Variants in GRIK4 observed in about 807,000 individuals in gnomAD.
The protein encoded by GRIK4 is glutamate receptor ionotropic, kainate 4.
A neutral mutation model predicts 104.9 loss-of-function variants in GRIK4; 40 were observed. That is an observed-to-expected ratio of 0.38 (90% CI 0.30 to 0.50). The LOEUF (loss-of-function observed/expected upper bound fraction) is 0.50, where lower values mean the gene tolerates loss of function less well. Among genes scored for constraint, GRIK4 ranks in the 20% least tolerant of loss-of-function variants. The probability of loss-of-function intolerance (pLI) is 0.93; values close to 1 mark genes in which losing one functional copy is unlikely to be tolerated. For missense variants in GRIK4, 1,047 were observed against 1,308.1 expected, an observed-to-expected ratio of 0.80 and a Z score of 3.08; for synonymous variants, 485 against 524.9, an observed-to-expected ratio of 0.92 and a Z score of 1.04.
chr11:120,535,009 G>T (rs1947958475), intron 1 of GRIK4, among the ~76,000 whole-genome samples: 2 of 152,234 alleles, frequency 1.3e-5, no homozygotes, highest in South Asian at 4.1e-4. Context: ...TTTACTCCCT[G>T]CAGTAAGCTG....
chr11:120,831,575 C>G (rs1444419110), intron 6 of GRIK4, among the ~76,000 whole-genome samples: 2 of 152,060 alleles, frequency 1.3e-5, no homozygotes, highest in African/African-American at 4.8e-5. Flanking sequence ...TTATTCCACC[C>G]AAGGGAGCTT....
At chr11:120,751,573 T>A (rs35397814) in intron 3 of GRIK4, among the ~76,000 whole-genome samples, 4,065 of 152,076 alleles carry the variant, frequency 0.027, 155 homozygotes, top group African/African-American at 0.083. Flanking sequence ...TCTGGGTGGG[T>A]TTGGGGGAAG....
chr11:120,971,350 A>G (rs971339320), intron 19 of GRIK4, among the ~76,000 whole-genome samples: 3 of 152,238 alleles, frequency 2.0e-5, no homozygotes. Context: ...TGATGAAACA[A>G]TGAACAACAA....
intron 3 of GRIK4, among the ~76,000 whole-genome samples, chr11:120,780,427 T>G (rs1952131167): frequency 1.3e-5 from 2 of 152,246 alleles, no homozygotes; most frequent in Non-Finnish European, 2.9e-5. Flanking sequence ...TAGCATAATG[T>G]TTACAAAGTT....
rs758051263 is a variant in GRIK4 at position 120,962,552 on chromosome 11, G to A, written c.2137G>A (p.Val713Met). The change falls in exon 18 of 21, where the codon GTG (valine) becomes ATG (methionine). Residue 713 changes from valine (V) to methionine (M), a missense_variant. Physicochemically the swap from Val to Met is conservative, Grantham distance 21. Around this residue, in one of 3 missense-constraint regions of GRIK4, gnomAD observed 440 missense variants for 652.3 expected, o/e 0.67. Transcript: ENST00000527524. Reference protein sequence around the residue: ...VKSTEEGIARVLNSNYAFLLE... With the variant: ...VKSTEEGIARMLNSNYAFLLE... ...GAGCACAGAGGAGGGAATCGCCAGG[G>A]TGTTGAATTCCAACTACGCCTTCCT... The A allele has an allele frequency of 4.3e-6, 7 of 1,613,992 alleles. No individual in the cohort carries two copies. In the East Asian group the frequency reaches 6.7e-5, roughly 15 times the overall value.
chr11:120,737,787 A>G (rs1245344997), intron 3 of GRIK4, among the ~76,000 whole-genome samples: 1 of 152,044 alleles, frequency 6.6e-6, no homozygotes, highest in Non-Finnish European at 1.5e-5. Flanking sequence ...TGGGATGAGG[A>G]CATGGGGGGC....
At chr11:120,771,846 G>A (rs964049501) in intron 3 of GRIK4, among the ~76,000 whole-genome samples, 2 of 152,262 alleles carry the variant, frequency 1.3e-5, no homozygotes, top group African/African-American at 4.8e-5. Context: ...GAGAGCCATA[G>A]AGCTCAGGCA....
intron 3 of GRIK4, among the ~76,000 whole-genome samples, chr11:120,770,404 G>A (rs893886634): frequency 4.6e-5 from 7 of 152,188 alleles, no homozygotes; most frequent in Non-Finnish European, 1.0e-4. Context: ...CTAAAAACAC[G>A]TTACCTCTTT....
At chr11:120,906,363 G>A (rs990861935) in intron 13 of GRIK4, among the ~76,000 whole-genome samples, 6 of 152,220 alleles carry the variant, frequency 3.9e-5, no homozygotes, top group African/African-American at 7.2e-5. Flanking sequence ...AATGGTAGAA[G>A]GAGCTCCTGC....
At chr11:120,851,362 C>G (rs1233394030) in intron 8 of GRIK4, among the ~76,000 whole-genome samples, 1 of 152,194 alleles carries the variant, frequency 6.6e-6, no homozygotes, top group Admixed American at 6.5e-5. Flanking sequence ...CTCTTCCCAC[C>G]TCTTTATCTG....
chr11:120,967,372 G>A lies in GRIK4; in HGVS notation c.2395+49G>A. The A allele has an allele frequency of 1.3e-6, 2 of 1,559,950 alleles. No individual in the cohort carries two copies. The highest frequency in any genetic ancestry group is 1.2e-5 in the South Asian group (1 of 82,698). Reference sequence around the variant, plus strand: ...CCTCCTGCCCTAGAGGACCAAAGTAGCTTGTTTCTCGTGTTCAAATTCCAG... The same window carrying A: ...CCTCCTGCCCTAGAGGACCAAAGTAACTTGTTTCTCGTGTTCAAATTCCAG... On this transcript the variant is annotated intron_variant, in intron 19 of 20. Transcript: ENST00000527524. This position sits in a 1 kb window ranked among gnomAD's most constrained non-coding sequence, Gnocchi z 4.2.
At chr11:120,739,959 G>A (rs1951298003) in intron 3 of GRIK4, among the ~76,000 whole-genome samples, 1 of 151,858 alleles carries the variant, frequency 6.6e-6, no homozygotes, top group Non-Finnish European at 1.5e-5. Flanking sequence ...ACTCCAGCCA[G>A]CTGACCTCAC....
intron 3 of GRIK4, among the ~76,000 whole-genome samples, chr11:120,700,482 A>G (rs1353657586): frequency 6.8e-6 from 1 of 146,038 alleles, no homozygotes; most frequent in Non-Finnish European, 1.5e-5. Flanking sequence ...TTTTTGAGAG[A>G]GAGTCTTGCT....
Position 120,875,277 on chromosome 11 carries a change from C to T in GRIK4, c.1164+34C>T, listed in dbSNP as rs573439819. 116 of 1,292,030 alleles carry T rather than the reference C, an allele frequency of 9.0e-5. No homozygotes were observed. In the South Asian group the frequency reaches 1.3e-3, roughly 14 times the overall value. 80.0% of individuals were successfully genotyped at this position (1,292,030 alleles called of 1,614,324 possible). The stretch of plus-strand genomic sequence containing the variant: ...AGCTGCACCGTGGTGATGGCAGGTC[C>T]TCCTCTCTGTTCCATTTCATTGATG... On this transcript the variant is annotated intron_variant, in intron 11 of 20. Transcript: ENST00000527524.
At chr11:120,682,703 A>C (rs113589746) in intron 3 of GRIK4, among the ~76,000 whole-genome samples, 22 of 151,434 alleles carry the variant, frequency 1.5e-4, no homozygotes, top group African/African-American at 5.1e-4. Flanking sequence ...CATCTTATAC[A>C]TGGGAAGTGG....
In GRIK4 at chr11:120,956,796, T is replaced by C; in HGVS notation, c.1717T>C (p.Trp573Arg). 1 of 1,592,488 alleles carries C rather than the reference T, an allele frequency of 6.3e-7. No homozygotes were observed. Among genetic ancestry groups the C allele is most frequent in the Non-Finnish European group, 8.6e-7 (1 of 1,166,456 alleles). ...FLVARLTPYE[W>R]YSPHPCAQGR... Reference sequence around the variant, plus strand: ...CTCCCACAGGTTGACGCCCTACGAGTGGTACAGCCCACACCCATGTGCCCA... The same window carrying C: ...CTCCCACAGGTTGACGCCCTACGAGCGGTACAGCCCACACCCATGTGCCCA... Residue 573 changes from tryptophan to arginine, a missense_variant, in exon 16 of 21, where the codon TGG becomes CGG. Physicochemically the swap from Trp to Arg is moderately radical, Grantham distance 101. Transcript: ENST00000527524. This position sits in a 1 kb window ranked among gnomAD's most constrained non-coding sequence, Gnocchi z 4.6.
intron 1 of GRIK4, among the ~76,000 whole-genome samples, chr11:120,534,475 A>G (rs1043577699): frequency 1.3e-5 from 2 of 152,128 alleles, no homozygotes; most frequent in South Asian, 2.1e-4. Context: ...TAACGCGACC[A>G]AAGAGAAGCT....
At chr11:120,776,963 C>G (rs1456330650) in intron 3 of GRIK4, among the ~76,000 whole-genome samples, 1 of 152,144 alleles carries the variant, frequency 6.6e-6, no homozygotes, top group Non-Finnish European at 1.5e-5. Flanking sequence ...AAATCAACCC[C>G]CATTGTGTTC....
intron 1 of GRIK4, among the ~76,000 whole-genome samples, chr11:120,553,574 C>T (rs776827651): frequency 2.0e-5 from 3 of 152,186 alleles, no homozygotes; most frequent in Non-Finnish European, 4.4e-5. Flanking sequence ...GAAACTGGTT[C>T]ATTTTCCAAG....
Sources: allele counts gnomAD v4.1 joint callset (sites outside exome capture counted in the v4.1 genomes callset), GRCh38; gene constraint gnomAD v4.1.1; regional missense constraint gnomAD v4.1.1; non-coding constraint Gnocchi (gnomAD v3.1); transcripts MANE v1.5; gene names NCBI Gene and HGNC (gene_info 2026-07-23, HGNC 2026-07-21).